AFG2A: variants seen among roughly 807,000 people sequenced by gnomAD.
AFG2A encodes the protein ATPase family gene 2 protein homolog A.
At chr4:123,195,407 T>C in the AFG2A span, among the ~76,000 whole-genome samples, 17 of 151,666 alleles carry the variant, frequency 1.1e-4, no homozygotes, top group African/African-American at 4.1e-4. Context: ...TAACATTAAA[T>C]TATTCAAAAC....
At chr4:123,035,597 G>C in the AFG2A span, among the ~76,000 whole-genome samples, 1 of 152,076 alleles carries the variant, frequency 6.6e-6, no homozygotes, top group South Asian at 2.1e-4. Flanking sequence ...GAAGAAGTTA[G>C]ATCAGATTTA....
At chr4:123,181,882 C>T in the AFG2A span, among the ~76,000 whole-genome samples, 1 of 152,150 alleles carries the variant, frequency 6.6e-6, no homozygotes, top group Non-Finnish European at 1.5e-5. Flanking sequence ...TTTAGATACA[C>T]ACTTTACTAC....
the AFG2A span, among the ~76,000 whole-genome samples, chr4:122,949,925 C>T: frequency 6.6e-6 from 1 of 152,306 alleles, no homozygotes; most frequent in East Asian, 1.9e-4. Flanking sequence ...AAAACTGAAC[C>T]ATCGGGCTGG....
chr4:123,265,794 A>C, the AFG2A span, among the ~76,000 whole-genome samples: 2 of 152,046 alleles, frequency 1.3e-5, no homozygotes, highest in South Asian at 4.1e-4. Flanking sequence ...ATCCAGAGTA[A>C]ATCTGTATCT....
At chr4:123,181,858 T>A in the AFG2A span, among the ~76,000 whole-genome samples, 1 of 152,322 alleles carries the variant, frequency 6.6e-6, no homozygotes, top group African/African-American at 2.4e-5. Flanking sequence ...ATATATTTGC[T>A]TTTGTTTTCT....
chr4:123,091,103 A>G, the AFG2A span, among the ~76,000 whole-genome samples: 1 of 152,226 alleles, frequency 6.6e-6, no homozygotes, highest in South Asian at 2.1e-4. Flanking sequence ...TGTGAGACTC[A>G]CTGGGCTAAA....
chr4:123,114,899 C>T, the AFG2A span, among the ~76,000 whole-genome samples: 1 of 152,200 alleles, frequency 6.6e-6, no homozygotes, highest in Non-Finnish European at 1.5e-5. Context: ...CCAGTGGCAG[C>T]ACCTTTGGCC....
At chr4:122,958,372 G>A in the AFG2A span, among the ~76,000 whole-genome samples, 1 of 152,158 alleles carries the variant, frequency 6.6e-6, no homozygotes, top group African/African-American at 2.4e-5. Context: ...CTTGTAAATG[G>A]CCACTGGCAT....
the AFG2A span, among the ~76,000 whole-genome samples, chr4:123,070,529 A>G: frequency 6.6e-6 from 1 of 152,186 alleles, no homozygotes; most frequent in African/African-American, 2.4e-5. Flanking sequence ...ATAGAATGCC[A>G]TCTTCTCACT....
the AFG2A span, among the ~76,000 whole-genome samples, chr4:123,267,028 T>C: frequency 6.6e-6 from 1 of 152,038 alleles, no homozygotes; most frequent in East Asian, 1.9e-4. Flanking sequence ...TATCTGTTAT[T>C]CAGTGTATGA....
At chr4:123,057,595 A>G in the AFG2A span, among the ~76,000 whole-genome samples, 1 of 152,198 alleles carries the variant, frequency 6.6e-6, no homozygotes, top group Non-Finnish European at 1.5e-5. Flanking sequence ...GTTATTGTAA[A>G]CATATAATTA....
At chr4:123,204,465 G>A in the AFG2A span, among the ~76,000 whole-genome samples, 2 of 152,148 alleles carry the variant, frequency 1.3e-5, no homozygotes, top group Non-Finnish European at 2.9e-5. Flanking sequence ...TAATGATGTT[G>A]AACTTTTTTT....
At chr4:123,173,697 G>T in the AFG2A span, among the ~76,000 whole-genome samples, 1 of 151,826 alleles carries the variant, frequency 6.6e-6, no homozygotes, top group East Asian at 1.9e-4. Flanking sequence ...AGTTAAGGAT[G>T]GTTTAACATT....
chr4:123,123,229 G>A, the AFG2A span, among the ~76,000 whole-genome samples: 6 of 152,152 alleles, frequency 3.9e-5, no homozygotes, highest in South Asian at 2.1e-4. Context: ...TTAAATTCTT[G>A]ATAAGTCTTG....
At chr4:123,058,066 A>G in the AFG2A span, among the ~76,000 whole-genome samples, 1 of 152,182 alleles carries the variant, frequency 6.6e-6, no homozygotes, top group African/African-American at 2.4e-5. Flanking sequence ...ATCCTTCTTA[A>G]TTAGAGCTGC....
chr4:123,032,604 C>T, the AFG2A span, among the ~76,000 whole-genome samples: 90 of 152,140 alleles, frequency 5.9e-4, no homozygotes, highest in Non-Finnish European at 1.1e-3. Flanking sequence ...TTAGTAGAGA[C>T]GGGGTTTCAC....
chr4:123,137,038 C>T, the AFG2A span, among the ~76,000 whole-genome samples: 1 of 152,064 alleles, frequency 6.6e-6, no homozygotes, highest in Non-Finnish European at 1.5e-5. Context: ...ATTAGATTCT[C>T]ATAAGGAGCA....
the AFG2A span, among the ~76,000 whole-genome samples, chr4:122,974,636 A>G: frequency 1.3e-5 from 2 of 152,028 alleles, no homozygotes; most frequent in Non-Finnish European, 2.9e-5. Context: ...ACCATTGTAA[A>G]GTGGAAAACT....
the AFG2A span, among the ~76,000 whole-genome samples, chr4:123,265,715 T>C: frequency 1.3e-5 from 2 of 152,208 alleles, no homozygotes; most frequent in Non-Finnish European, 1.5e-5. Context: ...AGCCTTTTTA[T>C]AGGGAAGAAG....
Sources: allele counts gnomAD v4.1 joint callset (sites outside exome capture counted in the v4.1 genomes callset), GRCh38; gene constraint gnomAD v4.1.1; transcripts MANE v1.5; gene names NCBI Gene and HGNC (gene_info 2026-07-23, HGNC 2026-07-21).